The following EYA1 variants were observed in gnomAD, a reference collection of about 807,000 sequenced individuals.
EYA1 encodes protein phosphatase EYA1.
In EYA1, 16 loss-of-function variants were observed where a neutral mutation model predicts 82.0. The ratio of observed to expected loss-of-function variants is 0.20; its 90% CI spans 0.13 to 0.30. EYA1 has a LOEUF of 0.30. Ranked by LOEUF, EYA1 falls within the 10% of genes least tolerant of loss-of-function variation. The probability of loss-of-function intolerance (pLI) is 1.00; values close to 1 mark genes in which losing one functional copy is unlikely to be tolerated. For synonymous variants in EYA1, 261 were observed against 264.4 expected, an observed-to-expected ratio of 0.99 and a Z score of 0.12; for missense variants, 633 against 730.7, an observed-to-expected ratio of 0.87 and a Z score of 1.54.
chr8:71,410,180 C>G lies in EYA1; in HGVS notation c.34-53669G>C, dbSNP rs1365110646. ...AAAGCCTTTGACAAAATTCAACAAC[C>G]CTTCATGCTAAAAACTCTCAATAAA... On this transcript the variant is annotated intron_variant, in intron 2 of 18. Transcript: ENST00000643681. 6.2e-3 allele frequency among the ~76,000 whole-genome samples: 892 copies of G among 144,442 alleles called. 12 individuals carry two copies. Among genetic ancestry groups the G allele is most frequent in the African/African-American group, 0.021 (830 of 38,848 alleles). The allele number at this position is 144,442 out of a possible 152,430, so 94.8% of individuals were successfully genotyped here.
At chr8:71,378,858 T>G (rs1828529064) in intron 2 of EYA1, among the ~76,000 whole-genome samples, 2 of 152,106 alleles carry the variant, frequency 1.3e-5, no homozygotes, top group East Asian at 1.9e-4. Flanking sequence ...TCCATTAAAC[T>G]TATGTGTTAA....
intron 2 of EYA1, among the ~76,000 whole-genome samples, chr8:71,398,505 C>A (rs1266749246): frequency 6.6e-6 from 1 of 152,168 alleles, no homozygotes; most frequent in Non-Finnish European, 1.5e-5. Flanking sequence ...TTTTAGTTTT[C>A]CTTCTAACAG....
At chr8:71,209,457 A>G (rs754241862) in intron 17 of EYA1, among the ~76,000 whole-genome samples, 12 of 152,216 alleles carry the variant, frequency 7.9e-5, no homozygotes, top group Non-Finnish European at 1.3e-4. Flanking sequence ...AGCACCAACC[A>G]GACTCACGCA....
chr8:71,500,025 G>T (rs1276731157), intron 2 of EYA1, among the ~76,000 whole-genome samples: 2 of 152,184 alleles, frequency 1.3e-5, no homozygotes, highest in Non-Finnish European at 2.9e-5. Context: ...CTGTCAGGGT[G>T]AATGGGAAAG....
chr8:71,348,508 G>C (rs932203484), intron 3 of EYA1, among the ~76,000 whole-genome samples: 1 of 152,206 alleles, frequency 6.6e-6, no homozygotes, highest in African/African-American at 2.4e-5. Context: ...ATTGGAAGTA[G>C]GGAAAAGCTG....
chr8:71,376,263 G>A (rs1828364315), intron 2 of EYA1, among the ~76,000 whole-genome samples: 1 of 152,210 alleles, frequency 6.6e-6, no homozygotes, highest in South Asian at 2.1e-4. Flanking sequence ...AGCTTAGCAA[G>A]TAGGAGGGAA....
intron 2 of EYA1, among the ~76,000 whole-genome samples, chr8:71,526,752 A>C (rs1813848011): frequency 6.6e-6 from 1 of 152,180 alleles, no homozygotes; most frequent in Non-Finnish European, 1.5e-5. Context: ...TAGTGTCCAC[A>C]GTGGCCACTG....
At chr8:71,376,585 C>A (rs1828385533) in intron 2 of EYA1, among the ~76,000 whole-genome samples, 1 of 152,058 alleles carries the variant, frequency 6.6e-6, no homozygotes, top group Non-Finnish European at 1.5e-5. Context: ...AGGGTTTTCT[C>A]TGGGCAACTG....
At chr8:71,312,947 A>G (rs576320306) in intron 7 of EYA1, among the ~76,000 whole-genome samples, 1 of 152,284 alleles carries the variant, frequency 6.6e-6, no homozygotes, top group African/African-American at 2.4e-5. Context: ...AAACAATTTG[A>G]TGCTTCAATG....
chr8:71,300,553 T>A (rs1319391239), intron 7 of EYA1, among the ~76,000 whole-genome samples: 1 of 152,196 alleles, frequency 6.6e-6, no homozygotes, highest in African/African-American at 2.4e-5. Flanking sequence ...GCACAATCTT[T>A]CTGTTTGGCT....
In EYA1 at chr8:71,209,732, A is replaced by G. The variant is rs571617455; in HGVS notation, c.1698+1424T>C. On this transcript the variant is annotated intron_variant, in intron 17 of 17. Transcript: ENST00000340726. The stretch of plus-strand genomic sequence containing the variant: ...TATTGTATCATTTATGGAAATATAC[A>G]TGGATTCCTATGAGGGAGTGTGTAA... Among the ~76,000 whole-genome samples the G allele has an allele frequency of 1.2e-3, 190 of 152,346 alleles. 2 individuals carry two copies. The highest frequency in any genetic ancestry group is 4.4e-3 in the African/African-American group (185 of 41,580).
intron 2 of EYA1, among the ~76,000 whole-genome samples, chr8:71,481,970 GAAGA>G (rs1810196816): frequency 6.6e-6 from 1 of 152,104 alleles, no homozygotes; most frequent in Non-Finnish European, 1.5e-5. Flanking sequence ...TTCTGTTTAA[GAAGA>G]AAGAGGAAGA....
chr8:71,463,735 C>G (rs1181413312), intron 2 of EYA1, among the ~76,000 whole-genome samples: 2 of 150,972 alleles, frequency 1.3e-5, no homozygotes, highest in Non-Finnish European at 2.9e-5. Context: ...GCAATACATT[C>G]TCTAGTTTCC....
At chr8:71,514,835 T>C (rs1653152359) in intron 2 of EYA1, among the ~76,000 whole-genome samples, 1 of 152,164 alleles carries the variant, frequency 6.6e-6, no homozygotes, top group African/African-American at 2.4e-5. Flanking sequence ...TTAGTAGAAT[T>C]TGAGGTAGCT....
chr8:71,492,508 A>G (rs1317216188), intron 2 of EYA1, among the ~76,000 whole-genome samples: 2 of 148,182 alleles, frequency 1.3e-5, no homozygotes, highest in Middle Eastern at 3.3e-3. Context: ...TCTGTTGCCC[A>G]GGCTGGAGTG....
intron 2 of EYA1, among the ~76,000 whole-genome samples, chr8:71,408,666 G>A (rs913928579): frequency 2.7e-4 from 29 of 108,686 alleles, no homozygotes; most frequent in Non-Finnish European, 4.8e-4. Context: ...TCAACAAGAG[G>A]AGCTAACTAT....
intron 2 of EYA1, among the ~76,000 whole-genome samples, chr8:71,445,081 T>C (rs1015135675): frequency 3.3e-4 from 51 of 152,354 alleles, no homozygotes; most frequent in African/African-American, 1.2e-3. Context: ...ATACCTTTTG[T>C]ATTGCTTTAT....
At chr8:71,261,049 G>A (rs1815038464) in intron 11 of EYA1, among the ~76,000 whole-genome samples, 2 of 152,036 alleles carry the variant, frequency 1.3e-5, no homozygotes, top group Admixed American at 1.3e-4. Context: ...ATACATGAGT[G>A]GTTTATTTTT....
chr8:71,525,896 C>T (rs1003991565), intron 2 of EYA1, among the ~76,000 whole-genome samples: 85 of 152,250 alleles, frequency 5.6e-4, no homozygotes, highest in African/African-American at 1.9e-3. Flanking sequence ...CTCATTCAAC[C>T]AAAACATTTT....
Sources: gnomAD v4.1 joint callset for allele counts (sites outside exome capture counted in the v4.1 genomes callset) on GRCh38, gnomAD v4.1.1 for gene constraint, MANE v1.5 for transcripts, NCBI Gene and HGNC (gene_info 2026-07-23, HGNC 2026-07-21) for gene names.